The following TMLHE variants were observed in gnomAD, a reference collection of about 807,000 sequenced individuals.
TMLHE encodes the protein trimethyllysine dioxygenase, mitochondrial.
In TMLHE, 18 loss-of-function variants were observed where a neutral mutation model predicts 25.7. That is an observed-to-expected ratio of 0.70 (90% CI 0.48 to 1.04). TMLHE has a LOEUF of 1.04. TMLHE is among the 50% of genes least tolerant of loss of function. TMLHE has a pLI of 0.00. For missense variants in TMLHE, 236 were observed against 259.0 expected (o/e 0.91, Z 0.61); for synonymous variants, 105 against 97.0 (o/e 1.08, Z -0.49).
At chrX:155,545,327 T>C in intron 1 of TMLHE, 50 bp from the exon 2 acceptor site, 1 of 996,659 alleles carries the variant, frequency 1.0e-6, no homozygotes. Flanking sequence ...ACAACTTTTA[T>C]GAGGCTATAG....
At chrX:155,526,292 T>C (rs782317802) in intron 2 of TMLHE, among the ~76,000 whole-genome samples, 1 of 112,898 alleles carries the variant, frequency 8.9e-6, no homozygotes, top group Admixed American at 9.3e-5. Flanking sequence ...TAGCCATGGC[T>C]AAAAGGGACC....
At chrX:155,590,568 A>G (rs1187948392) in intron 1 of TMLHE, among the ~76,000 whole-genome samples, 1 of 111,839 alleles carries the variant, frequency 8.9e-6, no homozygotes, top group Admixed American at 9.5e-5. Flanking sequence ...AAGGTAGAAA[A>G]TGGAGCTCTT....
intron 1 of TMLHE, among the ~76,000 whole-genome samples, chrX:155,578,097 G>T (rs2067602758): frequency 9.0e-6 from 1 of 111,398 alleles, no homozygotes. Flanking sequence ...ACTTTTACAT[G>T]CCCCAAGGAA....
At chrX:155,514,313 C>G (rs782505603) in intron 3 of TMLHE, 48 bp from the exon 4 acceptor site, 1 of 1,121,429 alleles carries the variant, frequency 8.9e-7, no homozygotes, top group Non-Finnish European at 1.2e-6. Context: ...CAAATAATGT[C>G]AATATTTGTA....
intron 1 of TMLHE, among the ~76,000 whole-genome samples, chrX:155,592,346 T>C (rs782523980): frequency 8.9e-6 from 1 of 112,086 alleles, no homozygotes; most frequent in Admixed American, 9.4e-5. Flanking sequence ...TTTACTTCTC[T>C]CCATAGAAAG....
At chrX:155,583,181 G>A (rs1251857194) in intron 1 of TMLHE, among the ~76,000 whole-genome samples, 6 of 111,046 alleles carry the variant, frequency 5.4e-5, no homozygotes, top group African/African-American at 2.0e-4. Context: ...GTGGGGTTGG[G>A]GGATGGGGGA....
chrX:155,512,477 G>A (rs2067123967), intron 4 of TMLHE, among the ~76,000 whole-genome samples: 1 of 110,021 alleles, frequency 9.1e-6, no homozygotes, highest in East Asian at 2.8e-4. Context: ...TTTCATCCAT[G>A]TCCCTACAAA....
chrX:155,539,296 G>A (rs1287947249), intron 2 of TMLHE, among the ~76,000 whole-genome samples: 1 of 111,788 alleles, frequency 8.9e-6, no homozygotes. Context: ...GAACAAAGGT[G>A]ATCAATGTGG....
At chrX:155,546,933 A>G (rs2067348911) in intron 1 of TMLHE, among the ~76,000 whole-genome samples, 1 of 111,138 alleles carries the variant, frequency 9.0e-6, no homozygotes, top group Non-Finnish European at 1.9e-5. Flanking sequence ...AAGACTCCAG[A>G]CCAAGACCAG....
intron 1 of TMLHE, among the ~76,000 whole-genome samples, chrX:155,580,580 A>T (rs782079470): frequency 1.8e-5 from 2 of 112,378 alleles, no homozygotes; most frequent in Admixed American, 1.9e-4. Flanking sequence ...GCTGATAAAG[A>T]CATACCTGAG....
intron 1 of TMLHE, among the ~76,000 whole-genome samples, chrX:155,605,745 A>C (rs2067783156): frequency 8.9e-6 from 1 of 111,862 alleles, no homozygotes; most frequent in Admixed American, 9.5e-5. Flanking sequence ...GCACATATCA[A>C]TATTAATCTT....
At chrX:155,515,449 T>C (rs1363787087) in intron 3 of TMLHE, among the ~76,000 whole-genome samples, 2 of 110,689 alleles carry the variant, frequency 1.8e-5, no homozygotes, top group Non-Finnish European at 3.8e-5. Context: ...TTTAACCATA[T>C]TTCTATAATT....
intron 3 of TMLHE, among the ~76,000 whole-genome samples, chrX:155,516,306 T>C (rs2067156581): frequency 1.6e-4 from 1 of 6,221 alleles, no homozygotes; most frequent in Non-Finnish European, 3.2e-4. Context: ...CTGAGAATGA[T>C]GGTTTCCAAT....
chrX:155,575,012 A>G (rs5983736), intron 1 of TMLHE, among the ~76,000 whole-genome samples: 150 of 112,050 alleles, frequency 1.3e-3, no homozygotes, highest in African/African-American at 4.8e-3. Context: ...ACTACCATAA[A>G]AAAGTGCCAC....
At chrX:155,547,330 G>C (rs1557338901) in intron 1 of TMLHE, among the ~76,000 whole-genome samples, 1 of 106,075 alleles carries the variant, frequency 9.4e-6, no homozygotes, top group Non-Finnish European at 1.9e-5. Flanking sequence ...ATTTTTAGTA[G>C]AGACGGGGTT....
intron 1 of TMLHE, among the ~76,000 whole-genome samples, chrX:155,579,135 C>T (rs1185981059): frequency 9.0e-6 from 1 of 111,241 alleles, no homozygotes; most frequent in Non-Finnish European, 1.9e-5. Flanking sequence ...ATCCCATACT[C>T]ATGGGTCAAA....
rs180875567 is a variant in TMLHE, at chrX:155,549,595, C to A, written c.-1-4318G>T. Reference sequence around the variant, plus strand: ...CCCCATTTGATTATGATATATTATCCTTTTTATACATTGTTGGATTCAATA... The same window carrying A: ...CCCCATTTGATTATGATATATTATCATTTTTATACATTGTTGGATTCAATA... On this transcript the variant is annotated intron_variant, in intron 1 of 7. Transcript: ENST00000334398. Among the ~76,000 whole-genome samples, 36 of 109,689 alleles carry A rather than the reference C, an allele frequency of 3.3e-4. 1 individual carries two copies. The highest frequency in any genetic ancestry group is 3.0e-3 in the Admixed American group (31 of 10,312).
At chrX:155,595,562 G>A (rs1253113250) in intron 1 of TMLHE, among the ~76,000 whole-genome samples, 1 of 111,954 alleles carries the variant, frequency 8.9e-6, no homozygotes, top group Non-Finnish European at 1.9e-5. Flanking sequence ...TGCAACTGTG[G>A]TTGTCCACCA....
At chrX:155,556,552 C>T (rs6642226) in intron 1 of TMLHE, among the ~76,000 whole-genome samples, 4 of 108,046 alleles carry the variant, frequency 3.7e-5, no homozygotes, top group African/African-American at 1.3e-4. Context: ...TATATGACTA[C>T]GTGTGGGTGA....
Sources: allele counts gnomAD v4.1 joint callset (sites outside exome capture counted in the v4.1 genomes callset), GRCh38; gene constraint gnomAD v4.1.1; transcripts MANE v1.5; gene names NCBI Gene and HGNC (gene_info 2026-07-23, HGNC 2026-07-21).